The following DDAH1 variants were observed in gnomAD, a reference collection of about 807,000 sequenced individuals.
DDAH1 encodes the protein dimethylarginine dimethylaminohydrolase 1, also known as N(G),N(G)-dimethylarginine dimethylaminohydrolase 1.
In DDAH1, 19 loss-of-function variants were observed where a neutral mutation model predicts 28.8. That is an observed-to-expected ratio of 0.66 (90% CI 0.46 to 0.97). The LOEUF (loss-of-function observed/expected upper bound fraction) is 0.97. DDAH1 is among the 50% of genes least tolerant of loss of function. The probability of loss-of-function intolerance (pLI) is 0.00; values close to 1 mark genes in which losing one functional copy is unlikely to be tolerated. For synonymous variants in DDAH1, 153 were observed against 154.4 expected (o/e 0.99, Z 0.07); for missense variants, 326 against 375.9 (o/e 0.87, Z 1.10).
In DDAH1 at chr1:85,404,236, C is replaced by G. The variant is rs1482722212; in HGVS notation, c.304-45389G>C. 1.1e-4 allele frequency: 73 copies of G among 640,872 alleles called. No individual in the cohort carries two copies. In the Admixed American group the frequency reaches 1.2e-3, roughly 10 times the overall value. The allele number at this position is 640,872 out of a possible 1,614,324, so 39.7% of individuals were successfully genotyped here. A position where few individuals can be genotyped will look rare whatever the true frequency, so the allele number is the denominator to read the frequency against. On this transcript the variant is annotated intron_variant, in intron 1 of 5. Coordinates refer to ENST00000284031, the MANE Select transcript of DDAH1 (RefSeq NM_012137.4). ...TCGCAAGTATTGAGCATTTAATGAC[C>G]TCCATTTCTAGAATCCACTTCTTAG...
chr1:85,547,845 A>G (rs1658673830), intron 1 of DDAH1, among the ~76,000 whole-genome samples: 1 of 152,250 alleles, frequency 6.6e-6, no homozygotes, highest in Non-Finnish European at 1.5e-5. Context: ...CAAGAGATCT[A>G]TAAAAAATTA....
At chr1:85,429,856 GT>G (rs1054997945) in intron 1 of DDAH1, among the ~76,000 whole-genome samples, 1 of 152,068 alleles carries the variant, frequency 6.6e-6, no homozygotes, top group African/African-American at 2.4e-5. Context: ...TGATGGGTTT[GT>G]TTTTTTCCTG....
At chr1:85,481,057 A>G (rs1430546652) in intron 2 of DDAH1, among the ~76,000 whole-genome samples, 1 of 148,904 alleles carries the variant, frequency 6.7e-6, no homozygotes, top group East Asian at 2.0e-4. Context: ...TAAGAAGCAT[A>G]TACTTCATAA....
intron 1 of DDAH1, among the ~76,000 whole-genome samples, chr1:85,380,940 T>G (rs1245837337): frequency 6.6e-6 from 1 of 152,128 alleles, no homozygotes; most frequent in Non-Finnish European, 1.5e-5. Context: ...ACTATAGACC[T>G]GAAAGATATA....
rs764088777 is a variant in DDAH1 at position 85,324,771 on chromosome 1, C to T, written c.710G>A (p.Arg237Gln). 5.6e-6 allele frequency: 9 copies of T among 1,613,918 alleles called. No homozygotes were observed. In the East Asian group the frequency reaches 6.7e-5, roughly 12 times the overall value. ...ACTTTCTGGATACTCTTCCGGGGTT[C>T]GGTGCAGCAAGACGTGCCCTTTGTT... is the stretch of plus-strand genomic sequence containing the variant. ...IPNKGHVLLH[R>Q]TPEEYPESAK... Residue 237 changes from arginine to glutamine, a missense_variant, in exon 5 of 6, where the codon CGA (arginine) becomes CAA (glutamine). Transcript: ENST00000284031.
chr1:85,360,249 T>G (rs1190979974), intron 1 of DDAH1, among the ~76,000 whole-genome samples: 1 of 152,216 alleles, frequency 6.6e-6, no homozygotes, highest in Non-Finnish European at 1.5e-5. Context: ...TATCATCTCA[T>G]CCTTGTCCTG....
chr1:85,465,104 C>A lies in DDAH1; in HGVS notation c.-59G>T. ...GGAGGCGGCCGGGTCCTGCCGCGGG[C>A]AGCGCGCGCTGAGCCTGCGAGCGCC... On this transcript the variant is annotated 5_prime_UTR_variant, in exon 1 of 6. Coordinates refer to ENST00000284031, the MANE Select transcript of DDAH1 (RefSeq NM_012137.4). 8.4e-7 allele frequency: 1 copy of A among 1,190,938 alleles called. No homozygotes were observed. Among genetic ancestry groups the A allele is most frequent in the African/African-American group, 1.6e-5 (1 of 62,672 alleles). 73.8% of individuals were successfully genotyped at this position (1,190,938 alleles called of 1,614,324 possible).
At chr1:85,565,262 A>C (rs1046875475) in intron 1 of DDAH1, among the ~76,000 whole-genome samples, 1 of 152,222 alleles carries the variant, frequency 6.6e-6, no homozygotes, top group African/African-American at 2.4e-5. Context: ...ATCAGAAACA[A>C]CATAAGCCAG....
intron 1 of DDAH1, among the ~76,000 whole-genome samples, chr1:85,427,615 T>C (rs1350403804): frequency 1.3e-5 from 2 of 152,318 alleles, no homozygotes; most frequent in Middle Eastern, 3.4e-3. Context: ...TCTTCTTACA[T>C]GATCATTAAA....
chr1:85,440,289 AT>A (rs1212669340), intron 1 of DDAH1, among the ~76,000 whole-genome samples: 5 of 152,110 alleles, frequency 3.3e-5, no homozygotes, highest in East Asian at 1.9e-4. Flanking sequence ...GAAAAGTCTG[AT>A]TTTTTTAGCG....
At chr1:85,329,362 C>T (rs1455135923) in intron 4 of DDAH1, among the ~76,000 whole-genome samples, 1 of 152,208 alleles carries the variant, frequency 6.6e-6, no homozygotes, top group African/African-American at 2.4e-5. Context: ...ATCCTCTCCC[C>T]TACTTGGTTC....
chr1:85,426,169 A>T (rs990713238), intron 1 of DDAH1, among the ~76,000 whole-genome samples: 1 of 152,198 alleles, frequency 6.6e-6, no homozygotes, highest in Non-Finnish European at 1.5e-5. Flanking sequence ...TTTCATAAAA[A>T]GTTTTCCTTT....
At chr1:85,548,368 A>G (rs962491165) in intron 1 of DDAH1, among the ~76,000 whole-genome samples, 1 of 152,236 alleles carries the variant, frequency 6.6e-6, no homozygotes, top group African/African-American at 2.4e-5. Flanking sequence ...TTTTACTGGT[A>G]TAAATAATGG....
At chr1:85,371,771 C>T (rs148877028) in intron 1 of DDAH1, among the ~76,000 whole-genome samples, 624 of 152,270 alleles carry the variant, frequency 4.1e-3, no homozygotes, top group African/African-American at 0.014. Flanking sequence ...AAGTAGGTCC[C>T]CTAAATATCT....
At chr1:85,557,145 G>T (rs191916482) in intron 1 of DDAH1, among the ~76,000 whole-genome samples, 1 of 152,142 alleles carries the variant, frequency 6.6e-6, no homozygotes, top group East Asian at 1.9e-4. Flanking sequence ...AAGAATAAAA[G>T]CTTCCTCACC....
chr1:85,492,904 G>A (rs1318292035), intron 2 of DDAH1, among the ~76,000 whole-genome samples: 2 of 151,894 alleles, frequency 1.3e-5, no homozygotes, highest in Non-Finnish European at 2.9e-5. Context: ...TGAGTGCTTT[G>A]GGTACAGAAA....
In DDAH1 at chr1:85,321,161, A is replaced by G. The variant is rs940405782; in HGVS notation, c.*291T>C. On this transcript the variant is annotated 3_prime_UTR_variant, in exon 6 of 6. Coordinates refer to ENST00000284031, the MANE Select transcript of DDAH1 (RefSeq NM_012137.4). ...TAAATAATTTTCACACCAAAAATAC[A>G]GACACTAAATGAGTGTTTCCTTACT... The G allele has an allele frequency of 2.6e-5, 7 of 267,412 alleles. No homozygotes were observed. Among genetic ancestry groups the G allele is most frequent in the African/African-American group, 1.5e-4 (7 of 46,026 alleles). The allele number at this position is 267,412 out of a possible 1,614,324, so 16.6% of individuals were successfully genotyped here. A position where few individuals can be genotyped will look rare whatever the true frequency, so the allele number is the denominator to read the frequency against.
intron 1 of DDAH1, among the ~76,000 whole-genome samples, chr1:85,393,016 A>G (rs1651633019): frequency 6.6e-6 from 1 of 152,154 alleles, no homozygotes; most frequent in African/African-American, 2.4e-5. Context: ...TCTGACATAC[A>G]TGGCTGATTC....
rs576658272 is a variant in DDAH1, at chr1:85,477,712, A to T, written c.-7+18454T>A. On this transcript the variant is annotated intron_variant, in intron 2 of 6. Transcript: ENST00000426972. ...TAGTATATTATGATGTGAAATTTTG[A>T]TGTGAAAGCTAGAAGAAAATGGTAA... Among the ~76,000 whole-genome samples the T allele has an allele frequency of 3.9e-5, 6 of 151,998 alleles. No homozygotes were observed. The South Asian group carries it at 1.2e-3, about 32-fold the overall frequency.
Sources: gnomAD v4.1 joint callset for allele counts (sites outside exome capture counted in the v4.1 genomes callset) on GRCh38, gnomAD v4.1.1 for gene constraint, MANE v1.5 for transcripts, NCBI Gene and HGNC (gene_info 2026-07-23, HGNC 2026-07-21) for gene names.